The following LDLRAD3 variants were observed in gnomAD, a reference collection of about 807,000 sequenced individuals.
LDLRAD3 encodes low density lipoprotein receptor class A domain containing 3, also known as low-density lipoprotein receptor class A domain-containing protein 3.
Under a neutral mutation model 29.4 loss-of-function variants are expected in LDLRAD3, and 20 were observed. The ratio of observed to expected loss-of-function variants is 0.68; its 90% CI spans 0.48 to 0.99. LDLRAD3 has a LOEUF of 0.99. LDLRAD3 is among the 50% of genes least tolerant of loss of function. The probability of loss-of-function intolerance (pLI) is 0.00; values close to 1 mark genes in which losing one functional copy is unlikely to be tolerated. For synonymous variants in LDLRAD3, 157 were observed against 192.7 expected, an observed-to-expected ratio of 0.81 and a Z score of 1.53; for missense variants, 420 against 454.3, an observed-to-expected ratio of 0.92 and a Z score of 0.69.
rs79345576 is a variant in LDLRAD3 at position 36,108,753 on chromosome 11, G to T, written c.454+10292G>T. Reference sequence around the variant, plus strand: ...ACTGGCAGATCCACGTGGCTGCCCTGGGGTGGATGTCAAAGAAAAGCCAGA... The same window carrying T: ...ACTGGCAGATCCACGTGGCTGCCCTTGGGTGGATGTCAAAGAAAAGCCAGA... On this transcript the variant is annotated intron_variant, in intron 4 of 5. Transcript: ENST00000315571. 0.031 allele frequency among the ~76,000 whole-genome samples: 4,674 copies of T among 152,212 alleles called. 339 individuals are homozygous for T. In the East Asian group the frequency reaches 0.33, roughly 11 times the overall value.
intron 4 of LDLRAD3, among the ~76,000 whole-genome samples, chr11:36,193,176 G>A (rs1854981711): frequency 1.3e-5 from 2 of 152,142 alleles, no homozygotes; most frequent in South Asian, 4.2e-4. Flanking sequence ...CTGCATCCTC[G>A]AGAGTGTTGG....
At chr11:36,190,025 A>G (rs533930450) in intron 4 of LDLRAD3, among the ~76,000 whole-genome samples, 148 of 149,212 alleles carry the variant, frequency 9.9e-4, no homozygotes, top group African/African-American at 3.5e-3. Flanking sequence ...GACACTTGAC[A>G]GAAACCTTGA....
At chr11:36,100,622 T>A (rs1853432277) in intron 4 of LDLRAD3, among the ~76,000 whole-genome samples, 1 of 152,134 alleles carries the variant, frequency 6.6e-6, no homozygotes, top group Non-Finnish European at 1.5e-5. Flanking sequence ...GTATTTTTAG[T>A]AGAGATGGGT....
intron 2 of LDLRAD3, among the ~76,000 whole-genome samples, chr11:36,043,138 C>A (rs1852404103): frequency 6.6e-6 from 1 of 152,146 alleles, no homozygotes. Context: ...ATGGTGAAAT[C>A]CTGACTCTAC....
At chr11:35,952,081 C>A (rs1308131915) in intron 1 of LDLRAD3, among the ~76,000 whole-genome samples, 1 of 152,190 alleles carries the variant, frequency 6.6e-6, no homozygotes, top group Admixed American at 6.5e-5. Context: ...GCTGGTGGAT[C>A]TTATTTCATT....
chr11:36,012,690 C>T (rs535115416), intron 1 of LDLRAD3, among the ~76,000 whole-genome samples: 3 of 152,176 alleles, frequency 2.0e-5, no homozygotes, highest in Non-Finnish European at 4.4e-5. Context: ...GAGATTTCAT[C>T]ACACCGCTCA....
chr11:36,198,857 A>G (rs1406979499), intron 4 of LDLRAD3, among the ~76,000 whole-genome samples: 1 of 152,136 alleles, frequency 6.6e-6, no homozygotes, highest in African/African-American at 2.4e-5. Flanking sequence ...CTCTGTTTAC[A>G]CATTTGGAGG....
chr11:35,950,142 C>T (rs1354684187), intron 1 of LDLRAD3, among the ~76,000 whole-genome samples: 2 of 151,800 alleles, frequency 1.3e-5, no homozygotes, highest in African/African-American at 4.8e-5. Context: ...TGTTGACCTT[C>T]TTCGTTATCT....
intron 1 of LDLRAD3, among the ~76,000 whole-genome samples, chr11:36,028,646 T>C (rs1296054448): frequency 6.6e-6 from 1 of 152,190 alleles, no homozygotes; most frequent in Non-Finnish European, 1.5e-5. Context: ...GAAATGTTAA[T>C]TACCCTTCCC....
chr11:36,142,333 T>C (rs1454609978), intron 4 of LDLRAD3, among the ~76,000 whole-genome samples: 1 of 152,248 alleles, frequency 6.6e-6, no homozygotes, highest in Non-Finnish European at 1.5e-5. Context: ...AGAATATCCA[T>C]GTGCCTGTTT....
intron 4 of LDLRAD3, among the ~76,000 whole-genome samples, chr11:36,185,743 T>C (rs1217879420): frequency 6.6e-6 from 1 of 152,218 alleles, no homozygotes; most frequent in Non-Finnish European, 1.5e-5. Flanking sequence ...AAAGTCACCC[T>C]TGAAAACACA....
chr11:36,075,399 A>G (rs1852980657), intron 2 of LDLRAD3, among the ~76,000 whole-genome samples: 1 of 152,166 alleles, frequency 6.6e-6, no homozygotes, highest in Non-Finnish European at 1.5e-5. Context: ...GGGACCCCTG[A>G]CACAGCATCT....
chr11:36,033,848 T>C (rs1284496262), intron 1 of LDLRAD3, among the ~76,000 whole-genome samples: 1 of 152,196 alleles, frequency 6.6e-6, no homozygotes, highest in Non-Finnish European at 1.5e-5. Flanking sequence ...AGAGGGAGTC[T>C]CATATTGATT....
chr11:36,045,103 C>G (rs1390939077), intron 2 of LDLRAD3, among the ~76,000 whole-genome samples: 1 of 152,210 alleles, frequency 6.6e-6, no homozygotes, highest in Non-Finnish European at 1.5e-5. Context: ...GCTCTTTGTG[C>G]CTTGTGGCCT....
In LDLRAD3 at chr11:36,073,796, C is replaced by T. The variant is rs564908754; in HGVS notation, c.194-7857C>T. ...CTGGTTAATTGAATGATGGCTAATT[C>T]GTTTATAATTATTCATATTTTCACT... On this transcript the variant is annotated intron_variant, in intron 2 of 5. Coordinates refer to ENST00000315571, the MANE Select transcript of LDLRAD3 (RefSeq NM_174902.4). 1.2e-4 allele frequency among the ~76,000 whole-genome samples: 18 copies of T among 152,312 alleles called. No homozygotes were observed. The East Asian group carries it at 3.3e-3, about 28-fold the overall frequency.
rs1048154611 is a variant in LDLRAD3 at position 36,231,557 on chromosome 11, C to A, written c.*2160C>A. ...AAAGAATTCTAATTTTAATTAATTG[C>A]GCAGTGAGTTAATCTCACTCGCTTT... On this transcript the variant is annotated 3_prime_UTR_variant, in exon 6 of 6. Coordinates refer to ENST00000315571, the MANE Select transcript of LDLRAD3 (RefSeq NM_174902.4). The A allele has an allele frequency of 6.6e-6, 1 of 152,094 alleles. No homozygotes were observed. The highest frequency in any genetic ancestry group is 6.5e-5 in the Admixed American group (1 of 15,274). 9.4% of individuals were successfully genotyped at this position (152,094 alleles called of 1,614,324 possible). A position where few individuals can be genotyped will look rare whatever the true frequency, so the allele number is the denominator to read the frequency against.
intron 2 of LDLRAD3, among the ~76,000 whole-genome samples, chr11:36,077,295 A>G (rs1419203975): frequency 6.6e-6 from 1 of 152,148 alleles, no homozygotes; most frequent in East Asian, 1.9e-4. Context: ...ATGTTTTCTT[A>G]TACCCCTTCT....
At chr11:35,999,874 A>G (rs1382825609) in intron 1 of LDLRAD3, among the ~76,000 whole-genome samples, 1 of 152,168 alleles carries the variant, frequency 6.6e-6, no homozygotes, top group Non-Finnish European at 1.5e-5. Flanking sequence ...CATCCTGTGG[A>G]TGCAACATTA....
At chr11:35,974,432 GCA>G (rs1323589036) in intron 1 of LDLRAD3, among the ~76,000 whole-genome samples, 2 of 152,082 alleles carry the variant, frequency 1.3e-5, no homozygotes, top group African/African-American at 4.8e-5. Flanking sequence ...TTTTAACACA[GCA>G]CACACTTACT....
Sources: allele counts gnomAD v4.1 joint callset (sites outside exome capture counted in the v4.1 genomes callset), GRCh38; gene constraint gnomAD v4.1.1; transcripts MANE v1.5; gene names NCBI Gene and HGNC (gene_info 2026-07-23, HGNC 2026-07-21).